The following SNW1 variants were observed in gnomAD, a reference collection of about 807,000 sequenced individuals.
SNW1 encodes the protein SNW domain-containing protein 1.
Under a neutral mutation model 75.6 loss-of-function variants are expected in SNW1, and 9 were observed. The ratio of observed to expected loss-of-function variants is 0.12; its 90% CI spans 0.07 to 0.21. The LOEUF (loss-of-function observed/expected upper bound fraction) is 0.21, where lower values mean the gene tolerates loss of function less well. Ranked by LOEUF, SNW1 falls within the 10% of genes least tolerant of loss-of-function variation. The pLI is 1.00. For missense variants in SNW1, 409 were observed against 670.9 expected, an observed-to-expected ratio of 0.61 and a Z score of 4.31; for synonymous variants, 200 against 219.1, an observed-to-expected ratio of 0.91 and a Z score of 0.77.
intron 10 of SNW1, among the ~76,000 whole-genome samples, chr14:77,725,668 C>T (rs186420542): frequency 3.4e-4 from 52 of 152,174 alleles, no homozygotes; most frequent in East Asian, 2.3e-3. Flanking sequence ...ATGCCTGTAA[C>T]GCACTTTGGG....
chr14:77,744,181 A>G (rs1264217962), intron 3 of SNW1, among the ~76,000 whole-genome samples: 1 of 151,342 alleles, frequency 6.6e-6, no homozygotes, highest in Non-Finnish European at 1.5e-5. Flanking sequence ...GGCTGGGCAC[A>G]GCGACTCACG....
intron 3 of SNW1, among the ~76,000 whole-genome samples, chr14:77,743,694 C>A (rs961494351): frequency 2.0e-5 from 3 of 152,186 alleles, no homozygotes; most frequent in Non-Finnish European, 2.9e-5. Context: ...CCACCTCTAA[C>A]TCCTCTCTCC....
In SNW1 at chr14:77,737,155, C is replaced by T; in HGVS notation, c.534-80G>A. On this transcript the variant is annotated intron_variant, in intron 5 of 13. Transcript: ENST00000261531. The stretch of plus-strand genomic sequence containing the variant: ...ATTTTCCTTCTATTACAATCTTAAG[C>T]TAGACTACATTTTCAATTCCTTTCG... 4 of 995,306 alleles carry T rather than the reference C, an allele frequency of 4.0e-6. No individual in the cohort carries two copies. The Admixed American group carries it at 7.4e-5, about 19-fold the overall frequency. 61.7% of individuals were successfully genotyped at this position (995,306 alleles called of 1,614,324 possible). A position where few individuals can be genotyped will look rare whatever the true frequency, so the allele number is the denominator to read the frequency against.
At chr14:77,753,021 C>A (rs2080820098) in intron 2 of SNW1, among the ~76,000 whole-genome samples, 1 of 152,214 alleles carries the variant, frequency 6.6e-6, no homozygotes, top group Non-Finnish European at 1.5e-5. Context: ...TACTTCAGAA[C>A]TGTAGCTGTA....
chr14:77,717,674 C>A lies in SNW1; in HGVS notation c.*414G>T. ...TTACTTTGCCCACTCCAAATTAAAACAGAGCACAATAGGGGCAAAATTTAT... is the reference window on the plus strand; with the variant it reads ...TTACTTTGCCCACTCCAAATTAAAAAAGAGCACAATAGGGGCAAAATTTAT... On this transcript the variant is annotated 3_prime_UTR_variant, in exon 14 of 14. Transcript: ENST00000261531. 1 of 1,077,796 alleles carries A rather than the reference C, an allele frequency of 9.3e-7. No individual in the cohort carries two copies. Among genetic ancestry groups the A allele is most frequent in the Non-Finnish European group, 1.4e-6 (1 of 735,702 alleles). The allele number at this position is 1,077,796 out of a possible 1,614,324, so 66.8% of individuals were successfully genotyped here.
chr14:77,736,696 GAT>G (rs2080675530), intron 6 of SNW1, among the ~76,000 whole-genome samples: 1 of 152,152 alleles, frequency 6.6e-6, no homozygotes, highest in Admixed American at 6.6e-5. Flanking sequence ...TCACAAGCAA[GAT>G]AGTGAACATG....
chr14:77,739,169 G>GA, intron 3 of SNW1, 108 bp from the exon 4 acceptor site: 1 of 760,060 alleles, frequency 1.3e-6, no homozygotes, highest in Non-Finnish European at 2.3e-6. Context: ...AAAAATTTAG[G>GA]ACACTCAGAT....
chr14:77,754,441 T>C (rs2080829784), intron 2 of SNW1, among the ~76,000 whole-genome samples: 1 of 152,148 alleles, frequency 6.6e-6, no homozygotes, highest in Admixed American at 6.5e-5. Context: ...TTTTGTCTTA[T>C]ACCCGCAAAA....
chr14:77,747,490 G>A (rs1359515482), intron 3 of SNW1, among the ~76,000 whole-genome samples: 3 of 151,510 alleles, frequency 2.0e-5, no homozygotes, highest in Non-Finnish European at 2.9e-5. Flanking sequence ...CTGCCCGGCC[G>A]CCCATCGTCT....
chr14:77,718,374 T>G lies in SNW1; in HGVS notation c.1405A>C (p.Thr469Pro), dbSNP rs2080507463. 4 of 1,614,096 alleles carry G rather than the reference T, an allele frequency of 2.5e-6. No homozygotes were observed. The highest frequency in any genetic ancestry group is 3.4e-6 in the Non-Finnish European group (4 of 1,180,048). Residue 469 changes from threonine (T) to proline (P), a missense_variant, in exon 13 of 14, where the codon ACC becomes CCC. Physicochemically the swap from Thr to Pro is conservative, Grantham distance 38. Coordinates refer to ENST00000261531, the MANE Select transcript of SNW1 (RefSeq NM_012245.3). Reference sequence around the variant, plus strand: ...AGTTGTATGGCTTGGCACCTGTTGGTCTTTATTCTGGCTTCTAGGTCATCA... The same window carrying G: ...AGTTGTATGGCTTGGCACCTGTTGGGCTTTATTCTGGCTTCTAGGTCATCA... ...YGDDLEARIK[T>P]NRFVPDKEFS... is the part of the protein sequence containing the mutation.
chr14:77,729,551 T>C (rs1279757062), intron 10 of SNW1, among the ~76,000 whole-genome samples: 1 of 152,146 alleles, frequency 6.6e-6, no homozygotes, highest in Non-Finnish European at 1.5e-5. Context: ...GGGGAAATGG[T>C]CATATGGTAC....
intron 10 of SNW1, among the ~76,000 whole-genome samples, 180 bp from the exon 11 acceptor site, chr14:77,723,457 C>A (rs1325954953): frequency 1.3e-5 from 2 of 152,188 alleles, no homozygotes; most frequent in African/African-American, 4.8e-5. Flanking sequence ...TCAAGTGATC[C>A]TCCTGCCTCA....
intron 3 of SNW1, among the ~76,000 whole-genome samples, chr14:77,747,063 C>T (rs915720737): frequency 6.6e-5 from 10 of 152,128 alleles, no homozygotes; most frequent in Non-Finnish European, 7.3e-5. Context: ...ATTGCAGGTG[C>T]GCGCCGCCAC....
At chr14:77,730,752 T>C (rs549819938) in intron 10 of SNW1, 8 of 417,284 alleles carry the variant, frequency 1.9e-5, no homozygotes, top group African/African-American at 1.6e-4. Context: ...AAAAGTACAC[T>C]GCTCAGAAGT....
intron 1 of SNW1, among the ~76,000 whole-genome samples, chr14:77,758,018 CTAT>C (rs2080856044): frequency 1.7e-5 from 1 of 58,126 alleles, no homozygotes; most frequent in Non-Finnish European, 3.8e-5. Flanking sequence ...CTCTATCTAT[CTAT>C]CTATTGCAAT....
At chr14:77,721,284 A>T (rs950271033) in intron 11 of SNW1, among the ~76,000 whole-genome samples, 3 of 152,208 alleles carry the variant, frequency 2.0e-5, no homozygotes, top group African/African-American at 7.2e-5. Flanking sequence ...TTTGAGGAAA[A>T]CATGTCAATG....
intron 3 of SNW1, among the ~76,000 whole-genome samples, chr14:77,745,951 G>C (rs796532105): frequency 4.0e-5 from 6 of 150,632 alleles, no homozygotes; most frequent in African/African-American, 1.5e-4. Flanking sequence ...TTGAGCTCAG[G>C]AGTTCAAGGC....
chr14:77,729,427 A>G (rs866801180), intron 10 of SNW1, among the ~76,000 whole-genome samples: 2 of 152,206 alleles, frequency 1.3e-5, no homozygotes, highest in Middle Eastern at 6.8e-3. Context: ...TGTTTTTGTT[A>G]CCTCTTGTTA....
At chr14:77,729,600 C>A (rs1256213890) in intron 10 of SNW1, among the ~76,000 whole-genome samples, 1 of 152,054 alleles carries the variant, frequency 6.6e-6, no homozygotes, top group Admixed American at 6.6e-5. Flanking sequence ...TTCTGGAGAT[C>A]TAATATACTG....
Sources: gnomAD v4.1 joint callset for allele counts (sites outside exome capture counted in the v4.1 genomes callset) on GRCh38, gnomAD v4.1.1 for gene constraint, MANE v1.5 for transcripts, NCBI Gene and HGNC (gene_info 2026-07-23, HGNC 2026-07-21) for gene names.